The following RAP1GDS1 variants were observed in gnomAD, a reference collection of about 807,000 sequenced individuals.
The protein encoded by RAP1GDS1 is RAP1, GTP-GDP dissociation stimulator 1.
In RAP1GDS1, 35 loss-of-function variants were observed where a neutral mutation model predicts 71.1. The observed-to-expected ratio is 0.49, with a 90% confidence interval of 0.38 to 0.65. RAP1GDS1 has a LOEUF of 0.65. Ranked by LOEUF, RAP1GDS1 falls within the 30% of genes least tolerant of loss-of-function variation. RAP1GDS1 has a pLI of 0.00. For synonymous variants in RAP1GDS1, 229 were observed against 243.1 expected, an observed-to-expected ratio of 0.94 and a Z score of 0.54; for missense variants, 663 against 706.1, an observed-to-expected ratio of 0.94 and a Z score of 0.69.
intron 1 of RAP1GDS1, among the ~76,000 whole-genome samples, chr4:98,291,949 C>T (rs1320938348): frequency 2.0e-5 from 3 of 152,018 alleles, no homozygotes; most frequent in Non-Finnish European, 2.9e-5. Context: ...AGTGAATATC[C>T]GCAATTATCT....
At chr4:98,429,278 AGAAAC>A (rs904679396) in intron 12 of RAP1GDS1, among the ~76,000 whole-genome samples, 2 of 151,764 alleles carry the variant, frequency 1.3e-5, no homozygotes, top group African/African-American at 4.8e-5. Flanking sequence ...AAAAAAGAAA[AGAAAC>A]TATGATGTGT....
At chr4:98,345,791 C>T (rs1342338328) in intron 3 of RAP1GDS1, among the ~76,000 whole-genome samples, 3 of 152,110 alleles carry the variant, frequency 2.0e-5, no homozygotes, top group African/African-American at 7.2e-5. Context: ...GGATTTTATG[C>T]ACTAGTTTGT....
At chr4:98,275,397 C>G (rs913472241) in intron 1 of RAP1GDS1, among the ~76,000 whole-genome samples, 1 of 152,152 alleles carries the variant, frequency 6.6e-6, no homozygotes, top group African/African-American at 2.4e-5. Context: ...AACCCCTCAA[C>G]TCTGCTATCA....
chr4:98,277,292 C>G (rs1463153554), intron 1 of RAP1GDS1, among the ~76,000 whole-genome samples: 1 of 152,162 alleles, frequency 6.6e-6, no homozygotes, highest in Non-Finnish European at 1.5e-5. Context: ...CCAGTCCTTT[C>G]TATATACTAT....
At chr4:98,279,746 C>A (rs1409202465) in intron 1 of RAP1GDS1, among the ~76,000 whole-genome samples, 1 of 152,074 alleles carries the variant, frequency 6.6e-6, no homozygotes, top group African/African-American at 2.4e-5. Context: ...TCTCCTAATG[C>A]TATCCCTTCC....
intron 2 of RAP1GDS1, among the ~76,000 whole-genome samples, chr4:98,334,481 T>A (rs1184198553): frequency 6.6e-6 from 1 of 152,236 alleles, no homozygotes; most frequent in Admixed American, 6.5e-5. Context: ...TTTGCCAGTC[T>A]GATTTGCTTG....
intron 1 of RAP1GDS1, among the ~76,000 whole-genome samples, chr4:98,281,185 C>T (rs1725031275): frequency 6.6e-6 from 1 of 152,106 alleles, no homozygotes; most frequent in Admixed American, 6.6e-5. Flanking sequence ...GGCATTGAAT[C>T]TATAAATTAC....
chr4:98,261,552 C>A lies in RAP1GDS1; in HGVS notation c.-14C>A, dbSNP rs766254067. On this transcript the variant is annotated 5_prime_UTR_variant, in exon 1 of 15. Coordinates refer to ENST00000408927, the MANE Select transcript of RAP1GDS1 (RefSeq NM_001100427.2). ...TCGCCTCGCCCCGCCGGTTCCTCACCCTCGGGGAGCAACATGGGTAAGTCA... is the reference window on the plus strand; with the variant it reads ...TCGCCTCGCCCCGCCGGTTCCTCACACTCGGGGAGCAACATGGGTAAGTCA... 2 of 1,601,484 alleles carry A rather than the reference C, an allele frequency of 1.2e-6. No individual in the cohort carries two copies. The highest frequency in any genetic ancestry group is 1.7e-6 in the Non-Finnish European group (2 of 1,173,040).
At chr4:98,351,701 A>G (rs78208156) in intron 3 of RAP1GDS1, among the ~76,000 whole-genome samples, 1 of 145,648 alleles carries the variant, frequency 6.9e-6, no homozygotes, top group South Asian at 2.2e-4. Flanking sequence ...TGAGACACTG[A>G]AAAAAAAAAA....
chr4:98,305,759 G>A (rs1352435530), intron 2 of RAP1GDS1, among the ~76,000 whole-genome samples: 1 of 152,176 alleles, frequency 6.6e-6, no homozygotes, highest in Non-Finnish European at 1.5e-5. Context: ...ATTGGTATTT[G>A]TAGTTGGTGA....
chr4:98,315,229 T>G (rs1730767615), intron 2 of RAP1GDS1, among the ~76,000 whole-genome samples: 1 of 152,196 alleles, frequency 6.6e-6, no homozygotes, highest in African/African-American at 2.4e-5. Flanking sequence ...TCACATTGAA[T>G]TGTGGTAATT....
chr4:98,415,750 T>C (rs28523627), intron 7 of RAP1GDS1, among the ~76,000 whole-genome samples: 2,188 of 152,292 alleles, frequency 0.014, 46 homozygotes, highest in African/African-American at 0.05. Context: ...ATGTTATGTT[T>C]AGCCATCAGA....
chr4:98,309,482 A>G (rs933327719), intron 2 of RAP1GDS1, among the ~76,000 whole-genome samples: 10 of 151,942 alleles, frequency 6.6e-5, no homozygotes, highest in Admixed American at 1.3e-4. Flanking sequence ...ATGCATGACC[A>G]AATGTAAAAT....
intron 4 of RAP1GDS1, among the ~76,000 whole-genome samples, chr4:98,369,824 C>A (rs902676330): frequency 2.1e-4 from 32 of 152,152 alleles, no homozygotes; most frequent in African/African-American, 7.2e-4. Flanking sequence ...CACTTTAAAT[C>A]TGTGTAGTTT....
chr4:98,296,828 A>G, intron 2 of RAP1GDS1: 1 of 318,522 alleles, frequency 3.1e-6, no homozygotes, highest in South Asian at 2.6e-5. Flanking sequence ...CTTGCAAGAG[A>G]AACTATTAGT....
rs143435122 is a variant in RAP1GDS1 at position 98,328,147 on chromosome 4, C to T, written c.113-14992C>T. ...TTATTTTATGTATATGGGGTCTCAA[C>T]TTTCCCATAGGAATTTATCCAGTTA... On this transcript the variant is annotated intron_variant, in intron 2 of 14. Transcript: ENST00000408927. Among the ~76,000 whole-genome samples, 655 of 152,286 alleles carry T rather than the reference C, an allele frequency of 4.3e-3. 4 individuals are homozygous for T. The highest frequency in any genetic ancestry group is 0.015 in the African/African-American group (614 of 41,550).
intron 4 of RAP1GDS1, among the ~76,000 whole-genome samples, chr4:98,360,463 T>A (rs1304328739): frequency 6.6e-6 from 1 of 151,444 alleles, no homozygotes; most frequent in Non-Finnish European, 1.5e-5. Context: ...AGAGGCCTAC[T>A]TGGGGGTTTA....
At chr4:98,290,822 G>C (rs1239452917) in intron 1 of RAP1GDS1, among the ~76,000 whole-genome samples, 1 of 152,072 alleles carries the variant, frequency 6.6e-6, no homozygotes, top group Non-Finnish European at 1.5e-5. Context: ...CAAGTGGTCT[G>C]TCCAGCTGAA....
chr4:98,307,226 A>G (rs73834414), intron 2 of RAP1GDS1, among the ~76,000 whole-genome samples: 182 of 152,032 alleles, frequency 1.2e-3, no homozygotes, highest in African/African-American at 4.2e-3. Context: ...GTTTAATATA[A>G]TTGCATCAGT....
Sources: allele counts gnomAD v4.1 joint callset (sites outside exome capture counted in the v4.1 genomes callset), GRCh38; gene constraint gnomAD v4.1.1; transcripts MANE v1.5; gene names NCBI Gene and HGNC (gene_info 2026-07-23, HGNC 2026-07-21).